Variants in MND1 observed in about 807,000 individuals in gnomAD.
MND1 encodes the protein meiotic nuclear divisions 1, also known as meiotic nuclear division protein 1 homolog.
Under a neutral mutation model 35.1 loss-of-function variants are expected in MND1, and 28 were observed. That is an observed-to-expected ratio of 0.80 (90% CI 0.59 to 1.09). The LOEUF is 1.09. Ranked by LOEUF, MND1 falls within the 50% of genes least tolerant of loss-of-function variation. The probability of loss-of-function intolerance (pLI) is 0.00; values close to 1 mark genes in which losing one functional copy is unlikely to be tolerated. For missense variants in MND1, 213 were observed against 239.6 expected, an observed-to-expected ratio of 0.89 and a Z score of 0.73; for synonymous variants, 69 against 70.5, an observed-to-expected ratio of 0.98 and a Z score of 0.11.
chr4:153,415,056 C>T lies in MND1; in HGVS notation c.*199C>T, dbSNP rs1276689013. On this transcript the variant is annotated 3_prime_UTR_variant, in exon 8 of 8. Transcript: ENST00000240488. ...GGATGATAACCATATCCCCCCAGTG[C>T]TCATCAAAGTAGGACAATAAAAATC... The T allele has an allele frequency of 8.8e-6, 3 of 342,284 alleles. No individual in the cohort carries two copies. Among genetic ancestry groups the T allele is most frequent in the Non-Finnish European group, 1.6e-5 (3 of 185,836 alleles). The allele number at this position is 342,284 out of a possible 1,614,324, so 21.2% of individuals were successfully genotyped here. A position where few individuals can be genotyped will look rare whatever the true frequency, so the allele number is the denominator to read the frequency against.
intron 4 of MND1, among the ~76,000 whole-genome samples, chr4:153,393,682 A>C (rs1173495935): frequency 6.6e-6 from 1 of 151,764 alleles, no homozygotes; most frequent in African/African-American, 2.4e-5. Context: ...CTTGGCCTTC[A>C]AGTTCAATTT....
At chr4:153,414,645 T>C (rs1267257398) in intron 7 of MND1, 106 bp from the exon 8 acceptor site, 4 of 501,568 alleles carry the variant, frequency 8.0e-6, no homozygotes, top group Non-Finnish European at 1.4e-5. Context: ...TATTTTGATA[T>C]ATCTGAAAGT....
In MND1 at chr4:153,363,975, T is replaced by C. The variant is rs558320148; in HGVS notation, c.276+5353T>C. On this transcript the variant is annotated intron_variant, in intron 4 of 7. Coordinates refer to ENST00000240488, the MANE Select transcript of MND1 (RefSeq NM_032117.4). ...AAGGCCAGGTGTGGTGGCTTATGCC[T>C]GTTATCCCAATACTTTGGGAGGTCG... Among the ~76,000 whole-genome samples, 6 of 152,320 alleles carry C rather than the reference T, an allele frequency of 3.9e-5. No individual in the cohort carries two copies. The South Asian group carries it at 1.2e-3, about 32-fold the overall frequency.
chr4:153,397,930 TATA>T (rs34607995), intron 6 of MND1, among the ~76,000 whole-genome samples: 32,957 of 152,014 alleles, frequency 0.22, 3,651 homozygotes, highest in South Asian at 0.23. Flanking sequence ...AGACATAAAA[TATA>T]AGGTTAGAGA....
In MND1 at chr4:153,414,948, T is replaced by G. The variant is rs774150944; in HGVS notation, c.*91T>G. Reference sequence around the variant, plus strand: ...TAAGTGTACTGAATTGTCGTTTGCCTGTAACTGTGTTTATCATTTTATTAA... The same window carrying G: ...TAAGTGTACTGAATTGTCGTTTGCCGGTAACTGTGTTTATCATTTTATTAA... On this transcript the variant is annotated 3_prime_UTR_variant, in exon 8 of 8. Coordinates refer to ENST00000240488, the MANE Select transcript of MND1 (RefSeq NM_032117.4). The G allele has an allele frequency of 9.8e-5, 51 of 520,452 alleles. No individual in the cohort carries two copies. Among genetic ancestry groups the G allele is most frequent in the Non-Finnish European group, 1.6e-4 (46 of 295,192 alleles). The allele number at this position is 520,452 out of a possible 1,614,324, so 32.2% of individuals were successfully genotyped here.
At chr4:153,383,855 A>G (rs184519888) in intron 4 of MND1, among the ~76,000 whole-genome samples, 3 of 152,288 alleles carry the variant, frequency 2.0e-5, no homozygotes, top group Admixed American at 2.0e-4. Flanking sequence ...AGCTAGACCT[A>G]TTGTCTGAGG....
intron 4 of MND1, among the ~76,000 whole-genome samples, chr4:153,388,994 A>G (rs1728946402): frequency 6.6e-6 from 1 of 152,216 alleles, no homozygotes; most frequent in Non-Finnish European, 1.5e-5. Flanking sequence ...TGGGCACAGA[A>G]TAGGGGAGTA....
intron 7 of MND1, among the ~76,000 whole-genome samples, 179 bp from the exon 8 acceptor site, chr4:153,414,572 C>G (rs771845987): frequency 6.6e-6 from 1 of 152,078 alleles, no homozygotes; most frequent in Non-Finnish European, 1.5e-5. Flanking sequence ...CATGAGCCAC[C>G]GCACCTGGCC....
chr4:153,346,559 A>G (rs901900284), intron 1 of MND1, among the ~76,000 whole-genome samples: 1 of 152,192 alleles, frequency 6.6e-6, no homozygotes, highest in African/African-American at 2.4e-5. Flanking sequence ...TTTTTACATT[A>G]GTTATTTTAA....
At chr4:153,356,552 C>CAAAAAAAAAAA (rs34763120) in intron 3 of MND1, among the ~76,000 whole-genome samples, 2 of 60,056 alleles carry the variant, frequency 3.3e-5, no homozygotes, top group South Asian at 1.2e-3. Context: ...AACTCAGTCT[C>CAAAAAAAAAAA]AAAAAAAAAA....
At chr4:153,376,831 C>G (rs1728524021) in intron 4 of MND1, among the ~76,000 whole-genome samples, 1 of 152,148 alleles carries the variant, frequency 6.6e-6, no homozygotes, top group Non-Finnish European at 1.5e-5. Flanking sequence ...TTGGCTTACT[C>G]AACCCCATGT....
At chr4:153,360,441 T>C (rs1423560154) in intron 4 of MND1, among the ~76,000 whole-genome samples, 1 of 152,064 alleles carries the variant, frequency 6.6e-6, no homozygotes, top group African/African-American at 2.4e-5. Context: ...CTAGGAGTTT[T>C]GTAGTTTTGC....
At chr4:153,346,145 T>A (rs1469783059) in intron 1 of MND1, among the ~76,000 whole-genome samples, 1 of 152,252 alleles carries the variant, frequency 6.6e-6, no homozygotes, top group African/African-American at 2.4e-5. Flanking sequence ...TGATTGATTA[T>A]GAATTAATAG....
chr4:153,398,534 G>T (rs530629900), intron 6 of MND1, among the ~76,000 whole-genome samples: 1 of 152,292 alleles, frequency 6.6e-6, no homozygotes, highest in South Asian at 2.1e-4. Context: ...CGCAACTCCA[G>T]GAGGCACCAT....
At chr4:153,378,027 T>C (rs1283012024) in intron 4 of MND1, among the ~76,000 whole-genome samples, 3 of 152,210 alleles carry the variant, frequency 2.0e-5, no homozygotes, top group Non-Finnish European at 4.4e-5. Context: ...AGGCAGGGTC[T>C]ATATCTTAAT....
chr4:153,386,168 T>C (rs991799495), intron 4 of MND1, among the ~76,000 whole-genome samples: 5 of 151,722 alleles, frequency 3.3e-5, no homozygotes, highest in African/African-American at 1.2e-4. Flanking sequence ...ATTGAAGTGT[T>C]TTGTTTTTTG....
chr4:153,377,906 T>G (rs185737927), intron 4 of MND1, among the ~76,000 whole-genome samples: 236 of 152,348 alleles, frequency 1.5e-3, no homozygotes, highest in African/African-American at 5.2e-3. Flanking sequence ...TTTTAATCCC[T>G]TCCTCCTCAG....
chr4:153,379,314 G>A (rs1579925301), intron 4 of MND1, among the ~76,000 whole-genome samples: 3 of 136,694 alleles, frequency 2.2e-5, no homozygotes, highest in East Asian at 2.1e-4. Flanking sequence ...AGAAGAAGAA[G>A]AAGAAGAAAA....
intron 4 of MND1, among the ~76,000 whole-genome samples, chr4:153,367,314 C>T (rs1773662306): frequency 6.6e-6 from 1 of 152,188 alleles, no homozygotes. Flanking sequence ...TCTCAGCCCA[C>T]TCCTCCCACA....
Sources: gnomAD v4.1 joint callset for allele counts (sites outside exome capture counted in the v4.1 genomes callset) on GRCh38, gnomAD v4.1.1 for gene constraint, MANE v1.5 for transcripts, NCBI Gene and HGNC (gene_info 2026-07-23, HGNC 2026-07-21) for gene names.